ANXA1: variants seen among roughly 807,000 people sequenced by gnomAD.
The protein encoded by ANXA1 is annexin A1, also known as annexin I (lipocortin I).
In ANXA1, 39 loss-of-function variants were observed where a neutral mutation model predicts 47.9. The ratio of observed to expected loss-of-function variants is 0.81; its 90% confidence interval spans 0.63 to 1.06. ANXA1 has a LOEUF of 1.06. Ranked by LOEUF, ANXA1 falls within the 50% of genes least tolerant of loss-of-function variation. ANXA1 has a pLI of 0.00. For missense variants in ANXA1, 446 were observed against 422.7 expected, an observed-to-expected ratio of 1.06 and a Z score of -0.48; for synonymous variants, 146 against 142.5, an observed-to-expected ratio of 1.02 and a Z score of -0.17.
At chr9:73,155,273 A>G (rs1824030117) in intron 1 of ANXA1, among the ~76,000 whole-genome samples, 1 of 152,224 alleles carries the variant, frequency 6.6e-6, no homozygotes, top group Non-Finnish European at 1.5e-5. Context: ...TTTAGAGCTT[A>G]TCTTTGGTTA....
At chr9:73,167,369 T>C (rs1824249016) in intron 10 of ANXA1, 128 bp from the exon 11 acceptor site, 4 of 742,426 alleles carry the variant, frequency 5.4e-6, no homozygotes, top group Admixed American at 2.4e-5. Flanking sequence ...TATTGGGAGA[T>C]GAGAGGTGAA....
intron 10 of ANXA1, 54 bp downstream of exon 10, chr9:73,166,246 G>C (rs1824227762): frequency 1.5e-6 from 2 of 1,320,520 alleles, no homozygotes; most frequent in Admixed American, 1.9e-5. Flanking sequence ...TATTTTCAAA[G>C]CTATCCTATA....
chr9:73,169,395 A>G (rs1824287338), intron 12 of ANXA1, among the ~76,000 whole-genome samples: 1 of 152,174 alleles, frequency 6.6e-6, no homozygotes. Flanking sequence ...TTTCCCATGC[A>G]TAAATTCAGC....
chr9:73,154,467 G>T, intron 1 of ANXA1: 1 of 854,340 alleles, frequency 1.2e-6, no homozygotes, highest in Non-Finnish European at 1.7e-6. Flanking sequence ...ACAGAGTCTT[G>T]TTATGTCGCC....
At chr9:73,165,872 C>T (rs1382181337) in intron 9 of ANXA1, among the ~76,000 whole-genome samples, 1 of 152,040 alleles carries the variant, frequency 6.6e-6, no homozygotes, top group East Asian at 1.9e-4. Context: ...TCAACATTTG[C>T]AAACATTTCG....
Position 73,165,200 on chromosome 9 carries a change from C to A in ANXA1, c.697C>A (p.Leu233Ile), listed in dbSNP as rs1024473513. ...CCTTACCACCAGAAGCTATCCACAA[C>A]TTCGCAGAGGTAACAATAAATTTCT... The part of the protein sequence containing the change: ...TILTTRSYPQ[L>I]RRVFQKYTKY... The change falls in exon 9 of 13, where the codon CTT becomes ATT. Residue 233 changes from leucine (L) to isoleucine (I), a missense_variant. Transcript: ENST00000257497. 5.6e-6 allele frequency: 9 copies of A among 1,612,196 alleles called. No individual in the cohort carries two copies. The highest frequency in any genetic ancestry group is 7.6e-6 in the Non-Finnish European group (9 of 1,178,662).
At chr9:73,167,356 C>T in intron 10 of ANXA1, 141 bp from the exon 11 acceptor site, 2 of 677,444 alleles carry the variant, frequency 3.0e-6, no homozygotes, top group Non-Finnish European at 2.6e-6. Context: ...GTTAACTGCC[C>T]TATATTGGGA....
chr9:73,164,550 G>A (rs983511560), intron 8 of ANXA1, among the ~76,000 whole-genome samples: 1 of 152,170 alleles, frequency 6.6e-6, no homozygotes, highest in Admixed American at 6.6e-5. Flanking sequence ...AATGATGGTA[G>A]TCAACATTTC....
At chr9:73,163,818 A>G (rs1252985482) in intron 8 of ANXA1, among the ~76,000 whole-genome samples, 1 of 152,134 alleles carries the variant, frequency 6.6e-6, no homozygotes, top group East Asian at 1.9e-4. Flanking sequence ...AAAAACTCTG[A>G]CCTTTCGTTG....
intron 11 of ANXA1, 119 bp from the exon 12 acceptor site, chr9:73,168,913 A>G (rs865853928): frequency 1.7e-3 from 669 of 390,110 alleles, no homozygotes; most frequent in Non-Finnish European, 2.1e-3. Flanking sequence ...GTGTGTGTGT[A>G]TAGCTAGTTT....
intron 1 of ANXA1, among the ~76,000 whole-genome samples, chr9:73,153,636 G>T (rs1824003849): frequency 6.6e-6 from 1 of 152,264 alleles, no homozygotes; most frequent in Middle Eastern, 3.4e-3. Flanking sequence ...TCAAGAACCA[G>T]TATACTTCAA....
In ANXA1 at chr9:73,158,754, C is replaced by T. The variant is rs755464124; in HGVS notation, c.126C>T (p.Phe42=). 4 of 1,613,778 alleles carry T rather than the reference C, an allele frequency of 2.5e-6. No individual in the cohort carries two copies. The highest frequency in any genetic ancestry group is 3.4e-6 in the Non-Finnish European group (4 of 1,179,824). ...CAGCGGTGAGCCCCTATCCTACCTT[C>T]AATCCATCCTCGGATGTCGCTGCCT... The part of the protein sequence containing the change: ...PGSAVSPYPT[F]NPSSDVAALH... The change falls in exon 3 of 13, where the codon TTC becomes TTT. Residue 42 remains phenylalanine, a synonymous_variant. Coordinates refer to ENST00000257497, the MANE Select transcript of ANXA1 (RefSeq NM_000700.3).
chr9:73,165,333 A>C, intron 9 of ANXA1, 124 bp downstream of exon 9: 1 of 680,782 alleles, frequency 1.5e-6, no homozygotes, highest in African/African-American at 1.8e-5. Context: ...AAACAGATAC[A>C]GTGTTCCTGA....
intron 1 of ANXA1, among the ~76,000 whole-genome samples, chr9:73,153,724 A>G (rs1049085503): frequency 6.6e-6 from 1 of 151,722 alleles, no homozygotes; most frequent in Admixed American, 6.6e-5. Flanking sequence ...AAATATTAGC[A>G]ATGATACATG....
intron 12 of ANXA1, among the ~76,000 whole-genome samples, chr9:73,169,377 A>G (rs1057462799): frequency 4.6e-5 from 7 of 152,126 alleles, no homozygotes; most frequent in African/African-American, 1.7e-4. Context: ...AGTCATGGAA[A>G]CATTTAGTTT....
intron 11 of ANXA1, chr9:73,168,754 T>A (rs918887942): frequency 4.9e-6 from 1 of 205,982 alleles, no homozygotes; most frequent in African/African-American, 2.3e-5. Flanking sequence ...AAGTTCCCTT[T>A]TTTTGTAATT....
rs756776231 is a variant in ANXA1, at chr9:73,165,147, G to A, written c.644G>A (p.Gly215Glu). ...TATGAAGCAGGAGAAAGGAGAAAGG[G>A]GACAGACGTAAACGTGTTCAATACC... is the stretch of plus-strand genomic sequence containing the variant. ...ALYEAGERRK[G>E]TDVNVFNTIL... is the part of the protein sequence containing the mutation. Residue 215 changes from glycine (G) to glutamate (E), a missense_variant, in exon 9 of 13, where the codon GGG becomes GAG. By Grantham distance (98) the Gly-to-Glu change is moderately conservative. Transcript: ENST00000257497. The A allele has an allele frequency of 6.2e-7, 1 of 1,612,716 alleles. No individual in the cohort carries two copies. The highest frequency in any genetic ancestry group is 8.5e-7 in the Non-Finnish European group (1 of 1,179,074).
rs113684866 is a variant in ANXA1 at position 73,158,602 on chromosome 9, G to A, written c.66+1G>A. 2 of 1,612,766 alleles carry A rather than the reference G, an allele frequency of 1.2e-6. No homozygotes were observed. Among genetic ancestry groups the A allele is most frequent in the South Asian group, 1.1e-5 (1 of 91,056 alleles). ...TGAAAATGAAGAGCAGGAATATGTT[G>A]TAAGTAGAGTGATAATAAAATTATG... is the stretch of plus-strand genomic sequence containing the variant. On this transcript the variant is annotated splice_donor_variant, in intron 2 of 12. Coordinates refer to ENST00000257497, the MANE Select transcript of ANXA1 (RefSeq NM_000700.3). LOFTEE classifies it high-confidence loss of function.
chr9:73,169,122 A>G lies in ANXA1; in HGVS notation c.952A>G (p.Met318Val). 1 of 1,613,094 alleles carries G rather than the reference A, an allele frequency of 6.2e-7. No homozygotes were observed. Among genetic ancestry groups the G allele is most frequent in the Non-Finnish European group, 8.5e-7 (1 of 1,179,364 alleles). The change falls in exon 12 of 13, where the codon ATG (methionine) becomes GTG (valine). Residue 318 changes from methionine to valine, a missense_variant. Transcript: ENST00000257497. The part of the protein sequence containing the change: ...MNDIKAFYQK[M>V]YGISLCQAIL... ...TGATATCAAAGCATTCTATCAGAAG[A>G]TGTATGGTATCTCCCTTTGCCAAGC...
Sources: allele counts gnomAD v4.1 joint callset (sites outside exome capture counted in the v4.1 genomes callset), GRCh38; gene constraint gnomAD v4.1.1; transcripts MANE v1.5; gene names NCBI Gene and HGNC (gene_info 2026-07-23, HGNC 2026-07-21).